Variants in SLC15A4 observed in about 807,000 individuals in gnomAD.
SLC15A4 encodes hPHT1.
In SLC15A4, 26 loss-of-function variants were observed where a neutral mutation model predicts 46.1. That is an observed-to-expected ratio of 0.56 (90% CI 0.41 to 0.78). The LOEUF is 0.78. SLC15A4 is among the 30% of genes least tolerant of loss of function. The pLI, the probability that SLC15A4 is intolerant of heterozygous loss-of-function variation, is 0.00. For missense variants in SLC15A4, 751 were observed against 755.7 expected, an observed-to-expected ratio of 0.99 and a Z score of 0.07; for synonymous variants, 370 against 333.4, an observed-to-expected ratio of 1.11 and a Z score of -1.20.
At chr12:128,809,026 G>GTCTCAA (rs1955622223) in intron 4 of SLC15A4, 70 bp from the exon 5 acceptor site, 1 of 1,414,856 alleles carries the variant, frequency 7.1e-7, no homozygotes, top group South Asian at 1.3e-5. Context: ...GAGAACCAAC[G>GTCTCAA]TCTCAATGGG....
At chr12:128,796,931 G>A (rs1275386432) in intron 7 of SLC15A4, among the ~76,000 whole-genome samples, 1 of 152,214 alleles carries the variant, frequency 6.6e-6, no homozygotes, top group African/African-American at 2.4e-5. Flanking sequence ...TGCGGTCCAA[G>A]CCCGCAGGCA....
chr12:128,798,889 G>C (rs1340184429), intron 7 of SLC15A4, among the ~76,000 whole-genome samples: 1 of 152,072 alleles, frequency 6.6e-6, no homozygotes, highest in East Asian at 1.9e-4. Context: ...GTTAAAGAAA[G>C]GGAAGCTTGG....
intron 5 of SLC15A4, among the ~76,000 whole-genome samples, chr12:128,806,804 T>C (rs1005037417): frequency 3.3e-5 from 5 of 151,666 alleles, no homozygotes; most frequent in Admixed American, 6.6e-5. Flanking sequence ...TGCCTCCCCA[T>C]AGGCGCCAAC....
In SLC15A4 at chr12:128,808,595, T is replaced by C. The variant is rs565158865; in HGVS notation, c.1258+193A>G. On this transcript the variant is annotated intron_variant, in intron 5 of 7. Transcript: ENST00000266771. ...AATGGTTTTAGTACCAGCAGAAAAA[T>C]GACGTATCCTTAGGAAAATAATCTT... Among the ~76,000 whole-genome samples the C allele has an allele frequency of 3.3e-5, 5 of 152,216 alleles. No individual in the cohort carries two copies. The South Asian group carries it at 1.0e-3, about 32-fold the overall frequency.
chr12:128,809,109 A>G lies in SLC15A4; in HGVS notation c.1090-153T>C, dbSNP rs530717936. The G allele has an allele frequency of 4.2e-6, 3 of 715,780 alleles. No homozygotes were observed. In the Admixed American group the frequency reaches 1.0e-4, roughly 24 times the overall value. The allele number at this position is 715,780 out of a possible 1,614,324, so 44.3% of individuals were successfully genotyped here. A position where few individuals can be genotyped will look rare whatever the true frequency, so the allele number is the denominator to read the frequency against. On this transcript the variant is annotated intron_variant, in intron 4 of 7. Transcript: ENST00000266771. ...CAGTTTAGAGACAACGGAACTGGGA[A>G]AAGATTTCTTTCCAAATGAATCTGC...
chr12:128,822,388 A>G (rs1283960385), intron 1 of SLC15A4, among the ~76,000 whole-genome samples: 1 of 152,256 alleles, frequency 6.6e-6, no homozygotes, highest in Non-Finnish European at 1.5e-5. Flanking sequence ...AGCTAAGGCA[A>G]CAACGGGGGC....
At position 128,800,879 on chromosome 12, in the gene SLC15A4, G is replaced by C; in HGVS notation, c.1389C>G (p.Ile463Met). The C allele has an allele frequency of 6.2e-7, 1 of 1,613,198 alleles. No homozygotes were observed. Among genetic ancestry groups the C allele is most frequent in the East Asian group, 2.2e-5 (1 of 44,858 alleles). The part of the protein sequence containing the change: ...WQVPQYLLIG[I>M]SEIFASIAGL... ...CTGCGATACTTGCAAAGATCTCGCT[G>C]ATCCCAATCAGCAAGTACTGCGGCA... Residue 463 changes from isoleucine to methionine, a missense_variant, in exon 6 of 8, where the codon ATC (isoleucine) becomes ATG (methionine). Ile to Met is a conservative substitution (Grantham distance 10). Coordinates refer to ENST00000266771, the MANE Select transcript of SLC15A4 (RefSeq NM_145648.4).
chr12:128,801,154 C>A, intron 5 of SLC15A4, 145 bp from the exon 6 acceptor site: 1 of 716,084 alleles, frequency 1.4e-6, no homozygotes, highest in East Asian at 2.8e-5. Flanking sequence ...TCCCCCAGGA[C>A]TAATAGGCCC....
At chr12:128,823,233 CCA>C (rs1418438900) in intron 1 of SLC15A4, among the ~76,000 whole-genome samples, 163 bp downstream of exon 1, 1 of 152,264 alleles carries the variant, frequency 6.6e-6, no homozygotes, top group African/African-American at 2.4e-5. Flanking sequence ...ACCGGTACCT[CCA>C]GTCTTGGCCC....
chr12:128,808,839 T>G lies in SLC15A4; in HGVS notation c.1207A>C (p.Lys403Gln), dbSNP rs771854773. ...AAGAACATGCCCACGGCGATCCTCTTCAGGGAGGATGGGAGCAGGCCATGT... is the reference window on the plus strand; with the variant it reads ...AAGAACATGCCCACGGCGATCCTCTGCAGGGAGGATGGGAGCAGGCCATGT... ...RRHGLLPSSL[K>Q]RIAVGMFFVM... Residue 403 changes from lysine to glutamine, a missense_variant, in exon 5 of 8, where the codon AAG becomes CAG. Coordinates refer to ENST00000266771, the MANE Select transcript of SLC15A4 (RefSeq NM_145648.4). The G allele has an allele frequency of 6.2e-7, 1 of 1,614,068 alleles. No individual in the cohort carries two copies. Among genetic ancestry groups the G allele is most frequent in the Non-Finnish European group, 8.5e-7 (1 of 1,180,050 alleles).
rs1013555466 is a variant in SLC15A4, at chr12:128,815,679, TCAAACAAA to T, written c.547-617_547-610del. 1.9e-5 allele frequency: 3 copies of T among 154,040 alleles called. No individual in the cohort carries two copies. In the East Asian group the frequency reaches 5.8e-4, roughly 30 times the overall value. 9.5% of individuals were successfully genotyped at this position (154,040 alleles called of 1,614,324 possible). On this transcript the variant is annotated intron_variant, in intron 1 of 7. Coordinates refer to ENST00000266771, the MANE Select transcript of SLC15A4 (RefSeq NM_145648.4). The stretch of plus-strand genomic sequence containing the variant: ...TGGTTGACAAGAGTGAAACTCCATC[TCAAACAAA>T]CAAACAAACAAAAAACAAACACAGT...
intron 1 of SLC15A4, among the ~76,000 whole-genome samples, chr12:128,822,605 T>TG (rs1283834142): frequency 6.6e-6 from 1 of 152,066 alleles, no homozygotes; most frequent in Non-Finnish European, 1.5e-5. Flanking sequence ...GCTGGAGGAG[T>TG]GGAGTGGCGC....
rs1368184688 is a variant in SLC15A4 at position 128,799,183 on chromosome 12, C to T, written c.1573+76G>A. On this transcript the variant is annotated intron_variant, in intron 7 of 7. Coordinates refer to ENST00000266771, the MANE Select transcript of SLC15A4 (RefSeq NM_145648.4). ...CCATCCACGTGAAAACACCTCCGCT[C>T]ACTCAGCCATCTCCTGAGTGCCTGC... 7 of 1,551,340 alleles carry T rather than the reference C, an allele frequency of 4.5e-6. No individual in the cohort carries two copies. In the African/African-American group the frequency reaches 9.5e-5, roughly 21 times the overall value.
chr12:128,807,399 G>A (rs187286225), intron 5 of SLC15A4, among the ~76,000 whole-genome samples: 357 of 152,318 alleles, frequency 2.3e-3, no homozygotes, highest in Non-Finnish European at 4.1e-3. Flanking sequence ...CCCAAACCAA[G>A]TATCTACTGG....
intron 2 of SLC15A4, chr12:128,814,517 T>A: frequency 2.3e-6 from 1 of 438,264 alleles, no homozygotes. Context: ...AGCTTCCGTC[T>A]ACACTAGCAG....
chr12:128,810,359 C>A (rs919880012), intron 2 of SLC15A4: 1 of 461,720 alleles, frequency 2.2e-6, no homozygotes, highest in Admixed American at 3.8e-5. Context: ...GTAATTTTGG[C>A]GTGGCTGGAA....
chr12:128,800,857 C>A lies in SLC15A4; in HGVS notation c.1411G>T (p.Ala471Ser). 2 of 1,610,046 alleles carry A rather than the reference C, an allele frequency of 1.2e-6. No individual in the cohort carries two copies. The highest frequency in any genetic ancestry group is 1.7e-6 in the Non-Finnish European group (2 of 1,178,186). ...CTCCGGCACTAAAGGTCCTCACCTG[C>A]GATACTTGCAAAGATCTCGCTGATC... ...IGISEIFASIAGLEFAYSAAP... is the reference protein window; with the variant it reads ...IGISEIFASISGLEFAYSAAP... The change falls in exon 6 of 8, where the codon GCA (alanine) becomes TCA (serine). Residue 471 changes from alanine to serine, a missense_variant. Ala to Ser is a moderately conservative substitution (Grantham distance 99). Coordinates refer to ENST00000266771, the MANE Select transcript of SLC15A4 (RefSeq NM_145648.4).
Position 128,823,836 on chromosome 12 carries a change from C to A in SLC15A4, c.108G>T (p.Ala36=). The A allele has an allele frequency of 2.3e-6, 3 of 1,330,988 alleles. No homozygotes were observed. In the South Asian group the frequency reaches 5.2e-5, roughly 23 times the overall value. The allele number at this position is 1,330,988 out of a possible 1,614,324, so 82.4% of individuals were successfully genotyped here. Residue 36 remains alanine, a synonymous_variant, in exon 1 of 8, where the codon GCG becomes GCT. Coordinates refer to ENST00000266771, the MANE Select transcript of SLC15A4 (RefSeq NM_145648.4). ...GCTCCGTCAGCAGCACGGCCCCGCA[C>A]GCCGCGCGCCGGCCCGCGAACGCCC... ...AAGAFAGRRA[A]CGAVLLTELL...
intron 7 of SLC15A4, 137 bp from the exon 8 acceptor site, chr12:128,794,493 C>A: frequency 1.2e-6 from 1 of 818,852 alleles, no homozygotes. Context: ...CTCTGTAGTC[C>A]AAAATGCACA....
Sources: allele counts gnomAD v4.1 joint callset (sites outside exome capture counted in the v4.1 genomes callset), GRCh38; gene constraint gnomAD v4.1.1; transcripts MANE v1.5; gene names NCBI Gene and HGNC (gene_info 2026-07-23, HGNC 2026-07-21).